SLC25A48: variants seen among roughly 807,000 people sequenced by gnomAD.
SLC25A48 encodes the protein CTC-321K16.1.
In SLC25A48, 29 loss-of-function variants were observed where a neutral mutation model predicts 32.2. That is an observed-to-expected ratio of 0.90 (90% CI 0.67 to 1.23). SLC25A48 has a LOEUF of 1.23. SLC25A48 is among the 50% of genes most tolerant of loss of function. The pLI, the probability that SLC25A48 is intolerant of heterozygous loss-of-function variation, is 0.00. For synonymous variants in SLC25A48, 164 were observed against 172.3 expected (o/e 0.95, Z 0.38); for missense variants, 399 against 422.7 (o/e 0.94, Z 0.49).
intron 3 of SLC25A48, among the ~76,000 whole-genome samples, chr5:135,683,387 C>T (rs1266509661): frequency 6.6e-6 from 1 of 152,174 alleles, no homozygotes; most frequent in Non-Finnish European, 1.5e-5. Context: ...AGTCCCAATC[C>T]CAATCTCATC....
intron 3 of SLC25A48, among the ~76,000 whole-genome samples, chr5:135,790,830 A>G (rs533138162): frequency 4.0e-5 from 6 of 151,734 alleles, no homozygotes; most frequent in African/African-American, 1.5e-4. Context: ...TCCTAATGTC[A>G]CAGTGGGTGT....
chr5:135,711,830 C>A (rs1469894789), intron 3 of SLC25A48, among the ~76,000 whole-genome samples: 4 of 152,090 alleles, frequency 2.6e-5, no homozygotes, highest in Non-Finnish European at 4.4e-5. Context: ...ATTGATTACC[C>A]CATCCCTCTT....
In SLC25A48 at chr5:135,647,055, G is replaced by C. The variant is rs370370638; in HGVS notation, c.-521+12099G>C. 5.3e-5 allele frequency among the ~76,000 whole-genome samples: 8 copies of C among 149,684 alleles called. No homozygotes were observed. The East Asian group carries it at 1.6e-3, about 30-fold the overall frequency. On this transcript the variant is annotated intron_variant, in intron 3 of 10. Transcript: ENST00000646290. ...ATGAGATGATGGATATGTTAATTAGGTCAATTGTGGTAATCATTTCGCAAT... is the reference window on the plus strand; with the variant it reads ...ATGAGATGATGGATATGTTAATTAGCTCAATTGTGGTAATCATTTCGCAAT...
chr5:135,853,798 G>A (rs994104667), intron 4 of SLC25A48, among the ~76,000 whole-genome samples: 2 of 152,160 alleles, frequency 1.3e-5, no homozygotes, highest in African/African-American at 4.8e-5. Flanking sequence ...CTAGAATGGT[G>A]AATTTTTTCC....
At position 135,635,848 on chromosome 5, in the gene SLC25A48, G is replaced by A. The variant is rs541086744; in HGVS notation, c.-521+892G>A. Among the ~76,000 whole-genome samples, 27 of 152,234 alleles carry A rather than the reference G, an allele frequency of 1.8e-4. 1 individual carries two copies. The South Asian group carries it at 5.4e-3, about 30-fold the overall frequency. The stretch of plus-strand genomic sequence containing the variant: ...GTGACAGGAAACCCACTACCTCTTG[G>A]TACAGCCCATTCCAGTCATCGTTCC... On this transcript the variant is annotated intron_variant, in intron 3 of 10. Coordinates refer to the SLC25A48 transcript ENST00000646290.
At chr5:135,887,477 TACAC>T (rs200157594) in intron 7 of SLC25A48, among the ~76,000 whole-genome samples, 4 of 151,018 alleles carry the variant, frequency 2.6e-5, no homozygotes, top group African/African-American at 9.7e-5. Flanking sequence ...TGTGTACATA[TACAC>T]ACACACACAT....
chr5:135,748,865 C>T (rs187885726), intron 3 of SLC25A48, among the ~76,000 whole-genome samples: 3 of 152,108 alleles, frequency 2.0e-5, no homozygotes, highest in Admixed American at 6.5e-5. Flanking sequence ...ATTATAGGCA[C>T]ACATCACCAT....
At chr5:135,815,637 T>A (rs1195763358) in intron 4 of SLC25A48, among the ~76,000 whole-genome samples, 3 of 151,890 alleles carry the variant, frequency 2.0e-5, no homozygotes, top group African/African-American at 4.8e-5. Context: ...GCAGTGAGAG[T>A]TTCCTTTATG....
chr5:135,613,791 T>C (rs1437218028), intron 1 of SLC25A48, among the ~76,000 whole-genome samples: 1 of 152,204 alleles, frequency 6.6e-6, no homozygotes, highest in Non-Finnish European at 1.5e-5. Context: ...TTCTGTTCCA[T>C]TGGTCTATGT....
At chr5:135,632,192 A>G (rs2126908425) in intron 2 of SLC25A48, among the ~76,000 whole-genome samples, 1 of 152,326 alleles carries the variant, frequency 6.6e-6, no homozygotes, top group South Asian at 2.1e-4. Flanking sequence ...CTTCTGTACT[A>G]CAGTGCGTAG....
At chr5:135,711,563 ACGCTT>A (rs1300585121) in intron 3 of SLC25A48, among the ~76,000 whole-genome samples, 1 of 152,154 alleles carries the variant, frequency 6.6e-6, no homozygotes, top group Admixed American at 6.5e-5. Context: ...GAGGCAAGGA[ACGCTT>A]CAGTGCTAAG....
intron 3 of SLC25A48, among the ~76,000 whole-genome samples, chr5:135,777,734 C>A (rs1020735627): frequency 6.6e-6 from 1 of 151,034 alleles, no homozygotes; most frequent in Non-Finnish European, 1.5e-5. Flanking sequence ...TTATATTACT[C>A]CCAATACCGA....
chr5:135,822,898 G>A (rs1277743168), intron 4 of SLC25A48, among the ~76,000 whole-genome samples: 1 of 152,130 alleles, frequency 6.6e-6, no homozygotes, highest in Non-Finnish European at 1.5e-5. Flanking sequence ...GGACCACAGA[G>A]CTCTGCAGAG....
chr5:135,871,630 C>T lies in SLC25A48; in HGVS notation c.591C>T (p.Ile197=). 6.2e-7 allele frequency: 1 copy of T among 1,614,218 alleles called. No homozygotes were observed. Among genetic ancestry groups the T allele is most frequent in the Non-Finnish European group, 8.5e-7 (1 of 1,180,024 alleles). The change falls in exon 5 of 8, where the codon ATC becomes ATT. Residue 197 remains isoleucine, a synonymous_variant. Transcript: ENST00000681962. The part of the protein sequence containing the change: ...RDVPGYCLYF[I]PYVFLSEWIT... Reference sequence around the variant, plus strand: ...TCCCAGGCTATTGCCTCTACTTCATCCCCTACGTGTTCCTGAGTGAGTGGA... The same window carrying T: ...TCCCAGGCTATTGCCTCTACTTCATTCCCTACGTGTTCCTGAGTGAGTGGA...
chr5:135,619,694 G>C (rs1431539289), intron 1 of SLC25A48, among the ~76,000 whole-genome samples: 1 of 152,062 alleles, frequency 6.6e-6, no homozygotes, highest in African/African-American at 2.4e-5. Context: ...TCATTGGGTA[G>C]CGTACTTTGG....
At position 135,852,833 on chromosome 5, in the gene SLC25A48, G is replaced by C. The variant is rs745859182; in HGVS notation, c.421+12G>C. ...ACCGTTTCGGGACGGTAAGAGGCCA[G>C]GGGAGCGGAGGCTGGTGTCTGGGAC... On this transcript the variant is annotated intron_variant, in intron 4 of 7. Transcript: ENST00000681962. 8 of 1,594,462 alleles carry C rather than the reference G, an allele frequency of 5.0e-6. No homozygotes were observed. The highest frequency in any genetic ancestry group is 6.0e-6 in the Non-Finnish European group (7 of 1,164,324).
At chr5:135,852,475 TGTGTCCG>T in intron 3 of SLC25A48, 81 bp from the exon 4 acceptor site, 1 of 1,462,218 alleles carries the variant, frequency 6.8e-7, no homozygotes, top group African/African-American at 1.4e-5. Flanking sequence ...CATGGGCAGA[TGTGTCCG>T]GTGGTGTACC....
chr5:135,734,668 T>G (rs1176709609), intron 3 of SLC25A48, among the ~76,000 whole-genome samples: 1 of 151,460 alleles, frequency 6.6e-6, no homozygotes. Flanking sequence ...ACAAAAAAAA[T>G]TAGCCGGGCG....
chr5:135,741,915 C>A (rs1383320829), intron 3 of SLC25A48, among the ~76,000 whole-genome samples: 2 of 152,100 alleles, frequency 1.3e-5, no homozygotes, highest in East Asian at 3.9e-4. Flanking sequence ...ATAAACTATC[C>A]ACGTGCAAGG....
Sources: allele counts gnomAD v4.1 joint callset (sites outside exome capture counted in the v4.1 genomes callset), GRCh38; gene constraint gnomAD v4.1.1; transcripts MANE v1.5; gene names NCBI Gene and HGNC (gene_info 2026-07-23, HGNC 2026-07-21).